Variants in EPHX3 observed in about 807,000 individuals in gnomAD.
EPHX3 encodes epoxide hydrolase 3.
In EPHX3, 39 loss-of-function variants were observed where a neutral mutation model predicts 40.2. The observed-to-expected ratio is 0.97, with a 90% CI of 0.75 to 1.27. The LOEUF is 1.27. Among genes scored for constraint, EPHX3 ranks in the 50% most tolerant of loss-of-function variants. EPHX3 has a pLI of 0.00. For missense variants in EPHX3, 442 were observed against 474.0 expected (o/e 0.93, Z 0.63); for synonymous variants, 213 against 209.7 (o/e 1.02, Z -0.14).
Position 15,227,547 on chromosome 19 carries a change from C to A in EPHX3, c.973G>T (p.Gly325Cys), listed in dbSNP as rs749465430. 30 of 1,613,936 alleles carry A rather than the reference C, an allele frequency of 1.9e-5. No individual in the cohort carries two copies. The East Asian group carries it at 6.5e-4, about 35-fold the overall frequency. Residue 325 changes from glycine (G) to cysteine (C), a missense_variant, in exon 7 of 7, where the codon GGC becomes TGC. By Grantham distance (159) the Gly-to-Cys change is radical. Coordinates refer to ENST00000221730, the MANE Select transcript of EPHX3 (RefSeq NM_024794.3). ...VEAIGSRFVP[G>C]RLEAHILPGI... ...GGCAGGATGTGGGCCTCCAAGCGGCCCGGCACAAAGCGGCTGCCGATGGCT... is the reference window on the plus strand; with the variant it reads ...GGCAGGATGTGGGCCTCCAAGCGGCACGGCACAAAGCGGCTGCCGATGGCT...
chr19:15,228,229 G>A (rs1911279263), intron 4 of EPHX3, 129 bp from the exon 5 acceptor site: 1 of 719,894 alleles, frequency 1.4e-6, no homozygotes, highest in East Asian at 2.7e-5. Context: ...GCCTGGGTCT[G>A]TGAAGGTACT....
upstream of EPHX3, among the ~76,000 whole-genome samples, chr19:15,234,947 C>CCA (rs1282504689): frequency 6.6e-6 from 1 of 152,194 alleles, no homozygotes; most frequent in East Asian, 1.9e-4. Flanking sequence ...GACTACTTAA[C>CCA]CACTACCTTT....
chr19:15,227,787 A>C lies in EPHX3; in HGVS notation c.841T>G (p.Tyr281Asp). 1 of 1,613,654 alleles carries C rather than the reference A, an allele frequency of 6.2e-7. No homozygotes were observed. Among genetic ancestry groups the C allele is most frequent in the Non-Finnish European group, 8.5e-7 (1 of 1,179,948 alleles). The change falls in exon 6 of 7, where the codon TAC (tyrosine) becomes GAC (aspartate). Residue 281 changes from tyrosine (Y) to aspartate (D), a missense_variant. Transcript: ENST00000221730. ...TGGTCTCACCTGAAGAGGTTTCGGT[A>C]GTAGTTGAGGGGCCCAGTGAGGCCA... ...PGGLTGPLNY[Y>D]RNLFRNFPLE...
Position 15,231,299 on chromosome 19 carries a change from C to T in EPHX3, c.427G>A (p.Val143Met), listed in dbSNP as rs561402320. 3.1e-6 allele frequency: 5 copies of T among 1,614,024 alleles called. No homozygotes were observed. The East Asian group carries it at 8.9e-5, about 29-fold the overall frequency. The change falls in exon 3 of 7, where the codon GTG (valine) becomes ATG (methionine). Residue 143 changes from valine to methionine, a missense_variant. Physicochemically the swap from Val to Met is conservative, Grantham distance 21 (BLOSUM62 1). Coordinates refer to ENST00000221730, the MANE Select transcript of EPHX3 (RefSeq NM_024794.3). Reference protein sequence around the residue: ...GYGPSDAPRDVDCYTIDLLLV... With the variant: ...GYGPSDAPRDMDCYTIDLLLV... ...AGCAGGTCGATTGTGTAGCAGTCCA[C>T]ATCCCGAGGTGCATCCGAGGGGCCA...
At chr19:15,229,907 A>AAAAAAAAAAAAAAAAAG (rs1203339827) in intron 4 of EPHX3, among the ~76,000 whole-genome samples, 8 of 140,248 alleles carry the variant, frequency 5.7e-5, no homozygotes, top group East Asian at 4.1e-4. Context: ...AAAAAAAAAA[A>AAAAAAAAAAAAAAAAAG]AAAAGAAAAG....
chr19:15,230,372 T>TGTTG (rs558806292), intron 4 of EPHX3, among the ~76,000 whole-genome samples: 3 of 152,012 alleles, frequency 2.0e-5, no homozygotes, highest in Non-Finnish European at 4.4e-5. Flanking sequence ...GGTTTCACCA[T>TGTTG]GTTGGCCAGG....
rs530956976 is a variant in EPHX3, at chr19:15,232,021, G to A, written c.191C>T (p.Pro64Leu). 179 of 1,599,090 alleles carry A rather than the reference G, an allele frequency of 1.1e-4. No individual in the cohort carries two copies. The South Asian group carries it at 1.8e-3, about 16-fold the overall frequency. The change falls in exon 1 of 7, where the codon CCC (proline) becomes CTC (leucine). Residue 64 changes from proline (P) to leucine (L), a missense_variant. Pro to Leu is a moderately conservative substitution (Grantham distance 98). Coordinates refer to ENST00000221730, the MANE Select transcript of EPHX3 (RefSeq NM_024794.3). ...GCCGRRRSASPACLSDPSLGE... is the reference protein window; with the variant it reads ...GCCGRRRSASLACLSDPSLGE... ...CAGCGAGGGGTCGCTCAGGCAGGCG[G>A]GGGACGCGCTCCGACGGCGCCCGCA...
upstream of EPHX3, chr19:15,236,742 AG>A: frequency 5.7e-6 from 1 of 173,932 alleles, no homozygotes; most frequent in Non-Finnish European, 1.2e-5. Flanking sequence ...CCCTGGCAGT[AG>A]TTCCTGTACA....
upstream of EPHX3, chr19:15,235,720 C>T (rs1024557331): frequency 6.6e-6 from 1 of 152,172 alleles, no homozygotes; most frequent in African/African-American, 2.4e-5. Flanking sequence ...GTACACACCT[C>T]TTACTCTGGT....
intron 4 of EPHX3, 69 bp downstream of exon 4, chr19:15,230,893 A>C: frequency 6.3e-7 from 1 of 1,581,540 alleles, no homozygotes; most frequent in Non-Finnish European, 8.6e-7. Flanking sequence ...AGAGAATTGA[A>C]AACACAGACA....
At chr19:15,229,907 A>AAAAAAAAAAAAAAG (rs1203339827) in intron 4 of EPHX3, among the ~76,000 whole-genome samples, 1 of 140,184 alleles carries the variant, frequency 7.1e-6, no homozygotes, top group African/African-American at 2.7e-5. Flanking sequence ...AAAAAAAAAA[A>AAAAAAAAAAAAAAG]AAAAGAAAAG....
intron 3 of EPHX3, 35 bp downstream of exon 3, chr19:15,231,203 AG>A: frequency 6.2e-7 from 1 of 1,613,376 alleles, no homozygotes. Context: ...GTGCAGGATG[AG>A]GGAGGCCACG....
At chr19:15,235,316 T>C (rs149018999), upstream of EPHX3, among the ~76,000 whole-genome samples, 176 of 152,110 alleles carry the variant, frequency 1.2e-3, 2 homozygotes, top group Middle Eastern at 0.014. Context: ...AGCTTTTTCT[T>C]TTACACCTTC....
In EPHX3 at chr19:15,231,320, G is replaced by T; in HGVS notation, c.406C>A (p.Pro136Thr). The change falls in exon 3 of 7, where the codon CCC (proline) becomes ACC (threonine). Residue 136 changes from proline to threonine, a missense_variant. Pro to Thr is a conservative substitution (Grantham distance 38). Coordinates refer to ENST00000221730, the MANE Select transcript of EPHX3 (RefSeq NM_024794.3). The part of the protein sequence containing the change: ...VVAVDLRGYG[P>T]SDAPRDVDCY... ...TCCACATCCCGAGGTGCATCCGAGG[G>T]GCCATAGCCTCGCAAGTCCACAGCC... is the stretch of plus-strand genomic sequence containing the variant. The T allele has an allele frequency of 1.9e-6, 3 of 1,613,898 alleles. No homozygotes were observed. Among genetic ancestry groups the T allele is most frequent in the Admixed American group, 3.3e-5 (2 of 60,008 alleles).
chr19:15,230,961 C>A lies in EPHX3; in HGVS notation c.616+1G>T. ...CCAGTGTCCCGGACTCCCACACACA[C>A]CTTGGTACACCGACATGGGGGCACC... On this transcript the variant is annotated splice_donor_variant, in intron 4 of 6. Transcript: ENST00000221730. LOFTEE classifies it high-confidence loss of function. The A allele has an allele frequency of 1.9e-6, 3 of 1,613,934 alleles. No individual in the cohort carries two copies. The highest frequency in any genetic ancestry group is 1.7e-5 in the Admixed American group (1 of 60,002).
upstream of EPHX3, among the ~76,000 whole-genome samples, chr19:15,233,931 G>A (rs1050507850): frequency 2.0e-5 from 3 of 152,122 alleles, no homozygotes; most frequent in Admixed American, 1.3e-4. Flanking sequence ...GTGGTGGCGG[G>A]CGCCTGTAGT....
chr19:15,230,084 T>A (rs922760710), intron 4 of EPHX3, among the ~76,000 whole-genome samples: 6 of 151,860 alleles, frequency 4.0e-5, no homozygotes, highest in Admixed American at 2.0e-4. Flanking sequence ...CCAGGAGCCT[T>A]AAGTAGGTTA....
Position 15,232,313 on chromosome 19 carries a change from G to A in EPHX3, c.-102C>T, listed in dbSNP as rs2047162095. ...AGGGGCCCATCGCCCTTGGCCTGGG[G>A]CCCCTCCGTGCCGTCGGGATTTGTG... On this transcript the variant is annotated 5_prime_UTR_variant, in exon 1 of 7. Coordinates refer to ENST00000221730, the MANE Select transcript of EPHX3 (RefSeq NM_024794.3). 3 of 1,381,740 alleles carry A rather than the reference G, an allele frequency of 2.2e-6. No individual in the cohort carries two copies. Among genetic ancestry groups the A allele is most frequent in the Non-Finnish European group, 2.8e-6 (3 of 1,078,286 alleles). The allele number at this position is 1,381,740 out of a possible 1,614,324, so 85.6% of individuals were successfully genotyped here.
chr19:15,234,059 CA>C (rs544530627), upstream of EPHX3, among the ~76,000 whole-genome samples: 2,974 of 97,564 alleles, frequency 0.03, 32 homozygotes, highest in Middle Eastern at 0.059. Context: ...GACTCCGTCT[CA>C]AAAAAAAAAA....
Sources: allele counts gnomAD v4.1 joint callset (sites outside exome capture counted in the v4.1 genomes callset), GRCh38; gene constraint gnomAD v4.1.1; transcripts MANE v1.5; gene names NCBI Gene and HGNC (gene_info 2026-07-23, HGNC 2026-07-21).